The following FAT3 variants were observed in gnomAD, a reference collection of about 807,000 sequenced individuals.
FAT3 encodes the protein FAT atypical cadherin 3.
A neutral mutation model predicts 310.2 loss-of-function variants in FAT3; 95 were observed. The observed-to-expected ratio is 0.31, with a 90% confidence interval of 0.26 to 0.36. FAT3 has a LOEUF of 0.36. Ranked by LOEUF, FAT3 falls within the 10% of genes least tolerant of loss-of-function variation. The pLI is 1.00. For synonymous variants in FAT3, 2,314 were observed against 2,192.9 expected, an observed-to-expected ratio of 1.06 and a Z score of -1.54; for missense variants, 5,408 against 5,715.6, an observed-to-expected ratio of 0.95 and a Z score of 1.74.
intron 22 of FAT3, among the ~76,000 whole-genome samples, chr11:92,871,207 T>A (rs1949382538): frequency 1.3e-5 from 2 of 152,204 alleles, no homozygotes. Flanking sequence ...TGGTTTATAT[T>A]TTTTTCCTTG....
chr11:92,331,571 G>A (rs1565232094), intron 1 of FAT3, among the ~76,000 whole-genome samples: 1 of 152,192 alleles, frequency 6.6e-6, no homozygotes, highest in Non-Finnish European at 1.5e-5. Flanking sequence ...TTCTTACAAA[G>A]TGGCTATAAA....
intron 2 of FAT3, among the ~76,000 whole-genome samples, chr11:92,500,231 A>G (rs1952894483): frequency 6.6e-6 from 1 of 152,068 alleles, no homozygotes; most frequent in Admixed American, 6.6e-5. Context: ...GATGAATTCC[A>G]AAAGATTGTA....
At chr11:92,622,415 T>C (rs1941129565) in intron 3 of FAT3, among the ~76,000 whole-genome samples, 1 of 152,340 alleles carries the variant, frequency 6.6e-6, no homozygotes, top group South Asian at 2.1e-4. Context: ...AATACCTTGC[T>C]AAGTAATTCT....
chr11:92,262,503 C>G (rs1037594717), intron 1 of FAT3, among the ~76,000 whole-genome samples: 1 of 152,046 alleles, frequency 6.6e-6, no homozygotes, highest in African/African-American at 2.4e-5. Flanking sequence ...GATCCTTGGC[C>G]TGGTCCCTCA....
rs1946085165 is a variant in FAT3, at chr11:92,270,179, T to A, written c.-18+45005T>A. Among the ~76,000 whole-genome samples the A allele has an allele frequency of 3.9e-5, 6 of 152,258 alleles. No individual in the cohort carries two copies. The South Asian group carries it at 1.2e-3, about 32-fold the overall frequency. ...TATGACTACTTCCATCTTCTTAAAA[T>A]ACTTTATATTCTGGACTTCAATTAT... is the stretch of plus-strand genomic sequence containing the variant. On this transcript the variant is annotated intron_variant, in intron 1 of 27. Coordinates refer to ENST00000525166, the MANE Select transcript of FAT3 (RefSeq NM_001367949.2).
intron 2 of FAT3, among the ~76,000 whole-genome samples, chr11:92,471,517 G>A (rs191753048): frequency 3.9e-5 from 6 of 152,196 alleles, no homozygotes; most frequent in Admixed American, 1.3e-4. Context: ...TACCCTTCAC[G>A]TTGGCAAAAA....
intron 2 of FAT3, among the ~76,000 whole-genome samples, chr11:92,486,335 A>T (rs570048026): frequency 5.9e-5 from 9 of 151,404 alleles, no homozygotes; most frequent in Admixed American, 5.9e-4. Context: ...ATCTAGGCAG[A>T]TGGTGGTGTC....
At chr11:92,418,624 C>A (rs1008700164) in intron 2 of FAT3, among the ~76,000 whole-genome samples, 2 of 151,924 alleles carry the variant, frequency 1.3e-5, no homozygotes, top group African/African-American at 4.8e-5. Context: ...TACTTGCCTC[C>A]CCAGGACCCA....
chr11:92,600,479 T>C (rs1939961819), intron 3 of FAT3, among the ~76,000 whole-genome samples: 1 of 152,030 alleles, frequency 6.6e-6, no homozygotes, highest in Non-Finnish European at 1.5e-5. Context: ...GAATTTAGAT[T>C]AAGTGAAGTC....
At chr11:92,528,532 G>A (rs958197184) in intron 3 of FAT3, among the ~76,000 whole-genome samples, 7 of 152,260 alleles carry the variant, frequency 4.6e-5, no homozygotes, top group Admixed American at 1.3e-4. Context: ...GACTACAGGC[G>A]CCTGCCACCA....
chr11:92,825,386 CA>C (rs761643500), intron 13 of FAT3, among the ~76,000 whole-genome samples: 2 of 151,862 alleles, frequency 1.3e-5, no homozygotes, highest in Non-Finnish European at 2.9e-5. Context: ...AATGATAATG[CA>C]AAAAATAGAG....
chr11:92,630,514 T>G (rs542822681), intron 3 of FAT3, among the ~76,000 whole-genome samples: 2 of 152,314 alleles, frequency 1.3e-5, no homozygotes, highest in Non-Finnish European at 2.9e-5. Flanking sequence ...GTCAGCTCCT[T>G]AGGCTCAGCT....
chr11:92,803,540 T>A (rs984076497), intron 10 of FAT3, among the ~76,000 whole-genome samples: 2 of 152,172 alleles, frequency 1.3e-5, no homozygotes, highest in Admixed American at 6.5e-5. Context: ...GAAAGTGATA[T>A]CCCAGGGAGG....
At chr11:92,724,028 A>G (rs1379431971) in intron 4 of FAT3, among the ~76,000 whole-genome samples, 2 of 152,222 alleles carry the variant, frequency 1.3e-5, no homozygotes, top group Non-Finnish European at 2.9e-5. Flanking sequence ...ATTGCTGTTT[A>G]ACAAAACATA....
intron 19 of FAT3, among the ~76,000 whole-genome samples, chr11:92,856,068 A>T (rs1948972772): frequency 6.6e-6 from 1 of 151,564 alleles, no homozygotes; most frequent in East Asian, 1.9e-4. Context: ...GTAACCTCAA[A>T]TTTCTGACCT....
Position 92,792,756 on chromosome 11 carries a change from T to C in FAT3, c.4612-11T>C. The C allele has an allele frequency of 1.2e-6, 2 of 1,612,630 alleles. No individual in the cohort carries two copies. Among genetic ancestry groups the C allele is most frequent in the South Asian group, 2.2e-5 (2 of 90,892 alleles). On this transcript the variant is annotated splice_polypyrimidine_tract_variant and intron_variant, in intron 8 of 27. Transcript: ENST00000525166. ...ATTTGAGTCCCACCACTTCTTGTATTTTGCCTAAAGGTCAGAGATCAGGAG... is the reference window on the plus strand; with the variant it reads ...ATTTGAGTCCCACCACTTCTTGTATCTTGCCTAAAGGTCAGAGATCAGGAG...
intron 2 of FAT3, among the ~76,000 whole-genome samples, chr11:92,425,232 C>T (rs530952217): frequency 6.6e-6 from 1 of 151,956 alleles, no homozygotes; most frequent in African/African-American, 2.4e-5. Context: ...TTTCTGGTCG[C>T]TTTTGAATTC....
In FAT3 at chr11:92,800,027, C is replaced by T; in HGVS notation, c.7014C>T (p.His2338=). The T allele has an allele frequency of 1.2e-6, 2 of 1,613,956 alleles. No homozygotes were observed. Among genetic ancestry groups the T allele is most frequent in the Non-Finnish European group, 8.5e-7 (1 of 1,179,872 alleles). ...CCTACAATAGCACAGATTATTTTCA[C>T]ATAGATAGCTCAAGTGGCTTAATCC... ...QDTYNSTDYF[H]IDSSSGLILT... is the part of the protein sequence containing the mutation. Residue 2338 remains histidine, a synonymous_variant, in exon 10 of 28, where the codon CAC becomes CAT. Coordinates refer to ENST00000525166, the MANE Select transcript of FAT3 (RefSeq NM_001367949.2).
At chr11:92,334,314 G>A (rs1947998065) in intron 1 of FAT3, among the ~76,000 whole-genome samples, 2 of 152,148 alleles carry the variant, frequency 1.3e-5, no homozygotes, top group South Asian at 4.1e-4. Context: ...AGTCAAGGCT[G>A]CAGCCATCCA....
Sources: allele counts gnomAD v4.1 joint callset (sites outside exome capture counted in the v4.1 genomes callset), GRCh38; gene constraint gnomAD v4.1.1; transcripts MANE v1.5; gene names NCBI Gene and HGNC (gene_info 2026-07-23, HGNC 2026-07-21).